Variants in ZNF345 observed in about 807,000 individuals in gnomAD.
The protein encoded by ZNF345 is zinc finger protein 345.
For missense variants in ZNF345, 527 were observed against 589.9 expected (o/e 0.89, Z 1.10); for synonymous variants, 166 against 187.9 (o/e 0.88, Z 0.95).
intron 3 of ZNF345, chr19:36,888,978 G>A (rs926488453): frequency 4.6e-5 from 7 of 152,192 alleles, no homozygotes; most frequent in Admixed American, 4.6e-4. Context: ...CGCCATGTCA[G>A]CCAGACTGGT....
intron 3 of ZNF345, chr19:36,889,393 T>C (rs1169456343): frequency 6.6e-6 from 1 of 152,194 alleles, no homozygotes; most frequent in Non-Finnish European, 1.5e-5. Context: ...GCATGTCTAG[T>C]AGAATTCAGC....
intron 2 of ZNF345, among the ~76,000 whole-genome samples, chr19:36,860,040 T>A (rs1031353309): frequency 9.2e-5 from 14 of 152,112 alleles, no homozygotes; most frequent in African/African-American, 3.4e-4. Context: ...TCACTGCAAG[T>A]GCCGCCTCCT....
intron 3 of ZNF345, chr19:36,889,024 G>A (rs1448642162): frequency 1.3e-5 from 2 of 152,268 alleles, no homozygotes; most frequent in South Asian, 2.1e-4. Flanking sequence ...TGCCCGCCTT[G>A]GCCTTGCAAA....
intron 2 of ZNF345, among the ~76,000 whole-genome samples, chr19:36,871,437 G>A (rs931579787): frequency 1.3e-5 from 2 of 151,618 alleles, no homozygotes; most frequent in Non-Finnish European, 2.9e-5. Flanking sequence ...ACTTTTTTTT[G>A]TGAGTCATTT....
chr19:36,893,137 G>A, downstream of ZNF345: 1 of 396,150 alleles, frequency 2.5e-6, no homozygotes, highest in African/African-American at 2.1e-5. Context: ...AAATGTCGGG[G>A]GCGGGTGGAG....
chr19:36,865,035 T>A (rs2072630216), intron 2 of ZNF345, among the ~76,000 whole-genome samples: 1 of 152,106 alleles, frequency 6.6e-6, no homozygotes, highest in South Asian at 2.1e-4. Flanking sequence ...CTTTGTACTT[T>A]AAGAGCCGGG....
chr19:36,865,419 CTT>C (rs1357891177), intron 2 of ZNF345, among the ~76,000 whole-genome samples: 2 of 152,126 alleles, frequency 1.3e-5, no homozygotes, highest in African/African-American at 4.8e-5. Context: ...CTAAGACTGA[CTT>C]TGCTGTGAGA....
intron 3 of ZNF345, chr19:36,892,283 G>A (rs779094120): frequency 2.5e-6 from 4 of 1,613,688 alleles, no homozygotes; most frequent in East Asian, 4.5e-5. Context: ...TGGATAAATT[G>A]TGAGTTTTGA....
At chr19:36,874,233 C>T (rs532537445) in intron 2 of ZNF345, among the ~76,000 whole-genome samples, 11 of 152,294 alleles carry the variant, frequency 7.2e-5, no homozygotes, top group Middle Eastern at 3.4e-3. Flanking sequence ...GTGGCTCATG[C>T]CTGTTATCCC....
downstream of ZNF345, among the ~76,000 whole-genome samples, chr19:36,879,876 AC>A (rs2072958142): frequency 6.6e-6 from 1 of 152,292 alleles, no homozygotes; most frequent in Middle Eastern, 3.4e-3. Flanking sequence ...AGTGAATGTT[AC>A]CCATCACTAT....
intron 2 of ZNF345, among the ~76,000 whole-genome samples, chr19:36,870,488 C>T (rs761234082): frequency 2.0e-5 from 3 of 152,116 alleles, no homozygotes; most frequent in Admixed American, 6.6e-5. Flanking sequence ...GATTCCTTGC[C>T]TTCCTGTTTC....
intron 2 of ZNF345, among the ~76,000 whole-genome samples, chr19:36,864,651 A>C (rs773228312): frequency 2.0e-5 from 3 of 152,140 alleles, no homozygotes; most frequent in Non-Finnish European, 4.4e-5. Flanking sequence ...ATTGAATGAC[A>C]GTAATTGCTG....
At position 36,877,997 on chromosome 19, in the gene ZNF345, G is replaced by A. The variant is rs1232717798; in HGVS notation, c.1167G>A (p.Gln389=). The change falls in exon 3 of 3, where the codon CAG becomes CAA. Residue 389 remains glutamine (Q), a synonymous_variant. Coordinates refer to ENST00000420450, the MANE Select transcript of ZNF345 (RefSeq NM_001242472.2). ...GTGGCTCAAAACTTATCCAACACCA[G>A]CTAATCCATACTGGTGAAAGACCCT... The part of the protein sequence containing the change: ...FGSGSKLIQH[Q]LIHTGERPYE... 1 of 1,613,882 alleles carries A rather than the reference G, an allele frequency of 6.2e-7. No individual in the cohort carries two copies. The highest frequency in any genetic ancestry group is 1.7e-5 in the Admixed American group (1 of 60,008).
In ZNF345 at chr19:36,878,396, A is replaced by G; in HGVS notation, c.*99A>G. ...GAACTAAGGTACAAATGCCTTACTT[A>G]TGCTTCACAGGTTAGTCAGTCTAAG... is the stretch of plus-strand genomic sequence containing the variant. On this transcript the variant is annotated 3_prime_UTR_variant, in exon 3 of 3. Transcript: ENST00000420450. 8.7e-7 allele frequency: 1 copy of G among 1,154,222 alleles called. No homozygotes were observed. The highest frequency in any genetic ancestry group is 1.2e-6 in the Non-Finnish European group (1 of 823,358). The allele number at this position is 1,154,222 out of a possible 1,614,324, so 71.5% of individuals were successfully genotyped here.
chr19:36,872,565 C>T (rs777206707), intron 2 of ZNF345: 3 of 152,524 alleles, frequency 2.0e-5, no homozygotes, highest in Non-Finnish European at 4.4e-5. Context: ...TCTTCACCTT[C>T]TGCTAGTGGA....
chr19:36,855,052 T>C (rs1332087766), intron 2 of ZNF345, among the ~76,000 whole-genome samples: 3 of 149,062 alleles, frequency 2.0e-5, no homozygotes, highest in East Asian at 2.0e-4. Context: ...GGGGTTTCAC[T>C]GTGTTAGCCA....
At chr19:36,860,254 GC>G (rs1379826922) in intron 2 of ZNF345, among the ~76,000 whole-genome samples, 2 of 152,276 alleles carry the variant, frequency 1.3e-5, no homozygotes, top group Non-Finnish European at 1.5e-5. Flanking sequence ...ACCGCGTCCA[GC>G]TAAGTTGCAG....
chr19:36,863,788 G>A lies in ZNF345; in HGVS notation c.-47+11884G>A, dbSNP rs142376442. Among the ~76,000 whole-genome samples the A allele has an allele frequency of 3.2e-3, 483 of 152,238 alleles. 3 individuals are homozygous for A. The highest frequency in any genetic ancestry group is 5.6e-3 in the Admixed American group (86 of 15,294). On this transcript the variant is annotated intron_variant, in intron 2 of 2. Transcript: ENST00000420450. ...AACATAAGTTAATCCATCCCACACC[G>A]CAGTCCTTATATCATTACTGCCATA...
At chr19:36,855,305 G>A (rs1165050745) in intron 2 of ZNF345, among the ~76,000 whole-genome samples, 1 of 151,022 alleles carries the variant, frequency 6.6e-6, no homozygotes, top group African/African-American at 2.4e-5. Context: ...ACCACGCCCA[G>A]CTAATGTTTT....
Sources: allele counts gnomAD v4.1 joint callset (sites outside exome capture counted in the v4.1 genomes callset), GRCh38; gene constraint gnomAD v4.1.1; transcripts MANE v1.5; gene names NCBI Gene and HGNC (gene_info 2026-07-23, HGNC 2026-07-21).